KCNQ5: variants seen among roughly 807,000 people sequenced by gnomAD.
KCNQ5 encodes potassium voltage-gated channel subfamily KQT member 5.
A neutral mutation model predicts 98.2 loss-of-function variants in KCNQ5; 30 were observed. That is an observed-to-expected ratio of 0.31 (90% CI 0.23 to 0.41). The LOEUF (loss-of-function observed/expected upper bound fraction) is 0.41, where lower values mean the gene tolerates loss of function less well. KCNQ5 is among the 10% of genes least tolerant of loss of function. The pLI, the probability that KCNQ5 is intolerant of heterozygous loss-of-function variation, is 1.00. For synonymous variants in KCNQ5, 458 were observed against 449.4 expected, an observed-to-expected ratio of 1.02 and a Z score of -0.24; for missense variants, 835 against 1,182.5, an observed-to-expected ratio of 0.71 and a Z score of 4.31.
chr6:73,097,972 C>T (rs1024069612), intron 5 of KCNQ5, among the ~76,000 whole-genome samples: 1 of 152,150 alleles, frequency 6.6e-6, no homozygotes, highest in Non-Finnish European at 1.5e-5. Context: ...TGCCCAGACA[C>T]TGACAAACAC....
intron 1 of KCNQ5, among the ~76,000 whole-genome samples, chr6:72,751,999 G>A (rs1359765378): frequency 6.6e-6 from 1 of 152,024 alleles, no homozygotes; most frequent in African/African-American, 2.4e-5. Context: ...TTTGCCTTTT[G>A]TTTGTTTGGG....
At chr6:72,784,391 A>G (rs757775698) in intron 1 of KCNQ5, among the ~76,000 whole-genome samples, 1 of 152,220 alleles carries the variant, frequency 6.6e-6, no homozygotes, top group Non-Finnish European at 1.5e-5. Flanking sequence ...AGAGAAGCAC[A>G]GTCATTGGGA....
chr6:72,826,046 G>A (rs1162371339), intron 1 of KCNQ5, among the ~76,000 whole-genome samples: 2 of 151,992 alleles, frequency 1.3e-5, no homozygotes, highest in African/African-American at 2.4e-5. Flanking sequence ...TGATTCTGGG[G>A]CCCTTTTTCC....
intron 1 of KCNQ5, among the ~76,000 whole-genome samples, chr6:72,795,541 TATCA>T (rs1188951647): frequency 6.6e-6 from 1 of 152,242 alleles, no homozygotes; most frequent in Non-Finnish European, 1.5e-5. Flanking sequence ...AGTTGAACAT[TATCA>T]ATTTAAATAT....
chr6:72,643,290 A>G (rs1765420973), intron 1 of KCNQ5, among the ~76,000 whole-genome samples: 1 of 152,268 alleles, frequency 6.6e-6, no homozygotes, highest in Non-Finnish European at 1.5e-5. Context: ...TCCTTTGGTC[A>G]TGGAGATTTG....
chr6:72,918,489 G>A (rs547054294), intron 1 of KCNQ5, among the ~76,000 whole-genome samples: 1 of 151,908 alleles, frequency 6.6e-6, no homozygotes, highest in South Asian at 2.1e-4. Context: ...ATGAGAGAGA[G>A]GTCTTTATAT....
At chr6:72,843,242 C>T (rs1346658167) in intron 1 of KCNQ5, among the ~76,000 whole-genome samples, 1 of 152,170 alleles carries the variant, frequency 6.6e-6, no homozygotes, top group Non-Finnish European at 1.5e-5. Context: ...AATAGGGAAT[C>T]CTTTCCCCAT....
rs1372350377 is a variant in KCNQ5, at chr6:72,910,479, A to G, written c.399-93429A>G. On this transcript the variant is annotated intron_variant, in intron 1 of 13. Coordinates refer to ENST00000370398, the MANE Select transcript of KCNQ5 (RefSeq NM_019842.4). The stretch of plus-strand genomic sequence containing the variant: ...ACCATTCTCTTACCTATCATTCTTC[A>G]CCCGATTAGCCATTAGTGTGTACAC... Among the ~76,000 whole-genome samples, 5 of 151,608 alleles carry G rather than the reference A, an allele frequency of 3.3e-5. No homozygotes were observed. In the East Asian group the frequency reaches 9.7e-4, roughly 29 times the overall value.
intron 1 of KCNQ5, among the ~76,000 whole-genome samples, chr6:72,994,649 C>G (rs374154105): frequency 3.3e-5 from 5 of 151,954 alleles, no homozygotes; most frequent in Admixed American, 3.3e-4. Context: ...AGCTGTAGAC[C>G]GGAGCTGTTC....
intron 1 of KCNQ5, among the ~76,000 whole-genome samples, chr6:72,694,157 A>G (rs574201063): frequency 6.6e-6 from 1 of 152,210 alleles, no homozygotes; most frequent in Admixed American, 6.5e-5. Context: ...TAAAATATGG[A>G]TCCTTTTTTT....
intron 1 of KCNQ5, among the ~76,000 whole-genome samples, chr6:72,767,728 G>T (rs1026705727): frequency 1.3e-5 from 2 of 151,976 alleles, no homozygotes; most frequent in Middle Eastern, 6.3e-3. Context: ...AGTAATACAT[G>T]AAAAGATGTT....
At chr6:73,158,270 T>G (rs6926605) in intron 10 of KCNQ5, 74,106 of 169,256 alleles carry the variant, frequency 0.44, 16,978 homozygotes, top group Admixed American at 0.53. Flanking sequence ...TTTTTTTTTT[T>G]TTTTTTTTTT....
intron 1 of KCNQ5, among the ~76,000 whole-genome samples, chr6:72,869,747 A>T (rs964269401): frequency 7.2e-5 from 11 of 152,124 alleles, no homozygotes; most frequent in African/African-American, 2.4e-4. Context: ...TGCCTAAGGG[A>T]TGTTTTCACT....
intron 1 of KCNQ5, among the ~76,000 whole-genome samples, chr6:72,965,939 C>G (rs1767589215): frequency 6.6e-6 from 1 of 152,154 alleles, no homozygotes; most frequent in Non-Finnish European, 1.5e-5. Context: ...AGATCAACCT[C>G]TTGGTTTTAC....
Position 73,098,740 on chromosome 6 carries a change from A to G in KCNQ5, c.919-6517A>G, listed in dbSNP as rs539932533. On this transcript the variant is annotated intron_variant, in intron 5 of 13. Coordinates refer to ENST00000370398, the MANE Select transcript of KCNQ5 (RefSeq NM_019842.4). ...TCATCAACACCAGACCTGTCCTATA[A>G]GAAATGCTAAAGTGATTTCTTTAGT... Among the ~76,000 whole-genome samples, 8 of 152,358 alleles carry G rather than the reference A, an allele frequency of 5.3e-5. No individual in the cohort carries two copies. The East Asian group carries it at 1.3e-3, about 26-fold the overall frequency.
At chr6:72,736,135 C>T (rs1195150364) in intron 1 of KCNQ5, among the ~76,000 whole-genome samples, 1 of 151,690 alleles carries the variant, frequency 6.6e-6, no homozygotes, top group Non-Finnish European at 1.5e-5. Context: ...AAATTTTTAA[C>T]ATAAGATTTG....
At chr6:73,125,391 T>A (rs1213302469) in intron 9 of KCNQ5, 2 of 517,694 alleles carry the variant, frequency 3.9e-6, no homozygotes, top group Non-Finnish European at 7.7e-6. Context: ...GTATTAATGA[T>A]GTGAAGAGTG....
At chr6:72,750,182 G>T (rs1771605846) in intron 1 of KCNQ5, among the ~76,000 whole-genome samples, 1 of 152,008 alleles carries the variant, frequency 6.6e-6, no homozygotes, top group African/African-American at 2.4e-5. Flanking sequence ...CCTTGGAAAG[G>T]AACTCCCAAG....
At chr6:72,883,305 ATGTTGTTGTTGTTGT>A (rs565781521) in intron 1 of KCNQ5, among the ~76,000 whole-genome samples, 1 of 151,820 alleles carries the variant, frequency 6.6e-6, no homozygotes, top group Non-Finnish European at 1.5e-5. Flanking sequence ...CAAAAGAACA[ATGTTGTTGTTGTTGT>A]TGTTGTTGTT....
Sources: gnomAD v4.1 joint callset for allele counts (sites outside exome capture counted in the v4.1 genomes callset) on GRCh38, gnomAD v4.1.1 for gene constraint, MANE v1.5 for transcripts, NCBI Gene and HGNC (gene_info 2026-07-23, HGNC 2026-07-21) for gene names.